Variants in MYO16 observed in about 807,000 individuals in gnomAD.
MYO16 encodes the protein unconventional myosin-XVI.
A neutral mutation model predicts 205.3 loss-of-function variants in MYO16; 94 were observed. That is an observed-to-expected ratio of 0.46 (90% CI 0.39 to 0.54). The LOEUF (loss-of-function observed/expected upper bound fraction) is 0.54, where lower values mean the gene tolerates loss of function less well. MYO16 is among the 20% of genes least tolerant of loss of function. The pLI is 0.00. For synonymous variants in MYO16, 988 were observed against 954.0 expected (o/e 1.04, Z -0.66); for missense variants, 2,315 against 2,387.5 (o/e 0.97, Z 0.63).
intron 1 of MYO16, among the ~76,000 whole-genome samples, chr13:108,640,381 T>C (rs1430543767): frequency 6.6e-6 from 1 of 151,418 alleles, no homozygotes; most frequent in Non-Finnish European, 1.5e-5. Flanking sequence ...GAGGGAGGAG[T>C]TCTTGCAATG....
At chr13:109,065,662 A>G (rs2139636649) in intron 27 of MYO16, 1 of 412,314 alleles carries the variant, frequency 2.4e-6, no homozygotes, top group South Asian at 2.0e-5. Flanking sequence ...TCATCCATAC[A>G]TCTTTGTTTC....
At chr13:109,037,854 A>G (rs998342621) in intron 23 of MYO16, among the ~76,000 whole-genome samples, 2 of 152,176 alleles carry the variant, frequency 1.3e-5, no homozygotes, top group African/African-American at 4.8e-5. Flanking sequence ...AGGCCAATGC[A>G]CTTTTGACAA....
chr13:109,192,024 TAATAG>T (rs1879940955), intron 34 of MYO16, among the ~76,000 whole-genome samples: 1 of 152,194 alleles, frequency 6.6e-6, no homozygotes, highest in Non-Finnish European at 1.5e-5. Flanking sequence ...CAGGCTAAAA[TAATAG>T]AAGGATTTCC....
chr13:108,841,564 A>G (rs534943011), intron 9 of MYO16, among the ~76,000 whole-genome samples: 6 of 152,306 alleles, frequency 3.9e-5, no homozygotes, highest in African/African-American at 1.4e-4. Context: ...TCTTTGAAAC[A>G]CAATTATGCA....
intron 31 of MYO16, among the ~76,000 whole-genome samples, chr13:109,134,076 G>A (rs57209635): frequency 2.6e-5 from 4 of 152,092 alleles, no homozygotes; most frequent in African/African-American, 7.2e-5. Flanking sequence ...TGATAATGTC[G>A]ATCATGATGG....
intron 23 of MYO16, among the ~76,000 whole-genome samples, chr13:109,027,233 CA>C (rs1886391367): frequency 6.6e-6 from 1 of 152,196 alleles, no homozygotes; most frequent in African/African-American, 2.4e-5. Context: ...GTGCCTCCAT[CA>C]CATGGCCCTG....
At chr13:108,871,558 A>C (rs541891873) in intron 12 of MYO16, among the ~76,000 whole-genome samples, 41 of 152,216 alleles carry the variant, frequency 2.7e-4, no homozygotes, top group African/African-American at 9.6e-4. Context: ...AGTCTCGTTT[A>C]ATTTTTTTAT....
chr13:108,898,356 G>GTGTGTGTGTA (rs1367758533), intron 15 of MYO16, among the ~76,000 whole-genome samples: 5 of 59,776 alleles, frequency 8.4e-5, no homozygotes, highest in Non-Finnish European at 1.5e-4. Context: ...GTGTGAGTGT[G>GTGTGTGTGTA]TGTGTGTGTG....
rs373250950 is a variant in MYO16 at position 108,663,635 on chromosome 13, A to G, written c.29-2251A>G. ...GCCACCCTCTACATTCCCTCTTGAC[A>G]GCCTGTGAGGGAAAACTCAATGAAT... On this transcript the variant is annotated intron_variant, in intron 1 of 34. Transcript: ENST00000457511. Among the ~76,000 whole-genome samples, 303 of 152,322 alleles carry G rather than the reference A, an allele frequency of 2.0e-3. 8 individuals are homozygous for G. The South Asian group carries it at 0.062, about 31-fold the overall frequency.
At chr13:108,550,709 C>T in the MYO16 span, among the ~76,000 whole-genome samples, 1 of 152,084 alleles carries the variant, frequency 6.6e-6, no homozygotes, top group African/African-American at 2.4e-5. Context: ...TTTCTTAGAC[C>T]TACCAAAGCT....
the MYO16 span, among the ~76,000 whole-genome samples, chr13:108,533,688 T>G: frequency 6.6e-6 from 1 of 152,190 alleles, no homozygotes; most frequent in South Asian, 2.1e-4. Flanking sequence ...ATTTGTATGC[T>G]TTCCTTGAAA....
At position 108,958,812 on chromosome 13, in the gene MYO16, C is replaced by T. The variant is rs573585255; in HGVS notation, c.2037+1013C>T. Among the ~76,000 whole-genome samples, 3 of 152,278 alleles carry T rather than the reference C, an allele frequency of 2.0e-5. No individual in the cohort carries two copies. In the East Asian group the frequency reaches 5.8e-4, roughly 29 times the overall value. On this transcript the variant is annotated intron_variant, in intron 17 of 34. Coordinates refer to ENST00000457511, the MANE Select transcript of MYO16 (RefSeq NM_001198950.3). Reference sequence around the variant, plus strand: ...TTTCCCAGAGGCATTATCTCTGCCTCCATTCAACATGGTGGTGTTTTGGAT... The same window carrying T: ...TTTCCCAGAGGCATTATCTCTGCCTTCATTCAACATGGTGGTGTTTTGGAT...
intron 12 of MYO16, among the ~76,000 whole-genome samples, chr13:108,881,151 C>G (rs1879595773): frequency 6.6e-6 from 1 of 152,154 alleles, no homozygotes; most frequent in South Asian, 2.1e-4. Context: ...TTTCTGCAGC[C>G]TCTGCTGGTG....
intron 27 of MYO16, among the ~76,000 whole-genome samples, chr13:109,095,659 C>A (rs769494399): frequency 6.6e-6 from 1 of 152,120 alleles, no homozygotes; most frequent in African/African-American, 2.4e-5. Context: ...TTCAGATGCT[C>A]GAATTATATC....
At chr13:108,940,051 C>T (rs1444754979) in intron 16 of MYO16, among the ~76,000 whole-genome samples, 2 of 152,278 alleles carry the variant, frequency 1.3e-5, no homozygotes, top group African/African-American at 2.4e-5. Flanking sequence ...ACACCAAATA[C>T]ATTACCATGG....
At chr13:108,827,641 C>G (rs1876347652) in intron 9 of MYO16, among the ~76,000 whole-genome samples, 1 of 152,168 alleles carries the variant, frequency 6.6e-6, no homozygotes, top group South Asian at 2.1e-4. Flanking sequence ...CATTCTGTAT[C>G]TGTAAGGACA....
intron 3 of MYO16, among the ~76,000 whole-genome samples, chr13:108,715,426 A>G (rs1435189443): frequency 6.6e-6 from 1 of 152,116 alleles, no homozygotes; most frequent in East Asian, 1.9e-4. Context: ...CACACTTGTC[A>G]CCAAACCCAT....
At chr13:108,577,452 G>A in the MYO16 span, among the ~76,000 whole-genome samples, 1 of 152,156 alleles carries the variant, frequency 6.6e-6, no homozygotes, top group African/African-American at 2.4e-5. Context: ...CACCAGCACA[G>A]CGTGGTCTAG....
intron 33 of MYO16, among the ~76,000 whole-genome samples, chr13:109,171,575 G>A (rs186524637): frequency 3.0e-4 from 46 of 152,278 alleles, no homozygotes; most frequent in African/African-American, 1.1e-3. Context: ...TTACTGATGC[G>A]AGCGCAGACT....
Sources: gnomAD v4.1 joint callset for allele counts (sites outside exome capture counted in the v4.1 genomes callset) on GRCh38, gnomAD v4.1.1 for gene constraint, MANE v1.5 for transcripts, NCBI Gene and HGNC (gene_info 2026-07-23, HGNC 2026-07-21) for gene names.